Variants in TSHZ2 observed in about 807,000 individuals in gnomAD.
The protein encoded by TSHZ2 is teashirt homolog 2.
A neutral mutation model predicts 74.4 loss-of-function variants in TSHZ2; 21 were observed. That is an observed-to-expected ratio of 0.28 (90% confidence interval 0.20 to 0.41). The LOEUF (loss-of-function observed/expected upper bound fraction) is 0.41, where lower values mean the gene tolerates loss of function less well. Ranked by LOEUF, TSHZ2 falls within the 10% of genes least tolerant of loss-of-function variation. TSHZ2 has a pLI of 1.00. For missense variants in TSHZ2, 1,244 were observed against 1,293.5 expected, an observed-to-expected ratio of 0.96 and a Z score of 0.59; for synonymous variants, 540 against 515.3, an observed-to-expected ratio of 1.05 and a Z score of -0.65.
intron 1 of TSHZ2, among the ~76,000 whole-genome samples, chr20:53,181,784 A>C (rs1252568395): frequency 6.6e-6 from 1 of 152,152 alleles, no homozygotes; most frequent in Non-Finnish European, 1.5e-5. Flanking sequence ...GCTGCTGGGG[A>C]GGCTGAGGCA....
In TSHZ2 at chr20:53,431,018, A is replaced by G. The variant is rs1346951103; in HGVS notation, c.*9-56126A>G. On this transcript the variant is annotated intron_variant, in intron 2 of 2. Transcript: ENST00000371497. ...TGCCTCAGCTTCCCAAAGTGCTGGG[A>G]TTACAGGCATGAGCCACTGTGCCAG... Among the ~76,000 whole-genome samples, 3 of 149,836 alleles carry G rather than the reference A, an allele frequency of 2.0e-5. No homozygotes were observed. In the East Asian group the frequency reaches 6.3e-4, roughly 32 times the overall value.
At chr20:53,332,725 C>T (rs1271114829) in intron 2 of TSHZ2, among the ~76,000 whole-genome samples, 2 of 152,136 alleles carry the variant, frequency 1.3e-5, no homozygotes, top group African/African-American at 4.8e-5. Context: ...CAACTTTTTC[C>T]TTTTCTTGTG....
chr20:53,373,054 T>C (rs1191225550), intron 2 of TSHZ2, among the ~76,000 whole-genome samples: 1 of 152,222 alleles, frequency 6.6e-6, no homozygotes, highest in Non-Finnish European at 1.5e-5. Context: ...TTGCTTTGCA[T>C]GACAAAATAC....
intron 1 of TSHZ2, among the ~76,000 whole-genome samples, chr20:53,106,391 C>CTTT (rs71194458): frequency 0.036 from 2,128 of 58,946 alleles, 595 homozygotes; most frequent in South Asian, 0.09. Flanking sequence ...CTCACACTTT[C>CTTT]TTTTTTTTTT....
intron 1 of TSHZ2, among the ~76,000 whole-genome samples, chr20:53,003,255 G>GGT (rs11468763): frequency 0.22 from 30,688 of 139,336 alleles, 3,639 homozygotes; most frequent in Admixed American, 0.3. Flanking sequence ...CTCCAGGGAT[G>GGT]GTGTGTGTGT....
At chr20:53,086,425 C>G (rs1438550379) in intron 1 of TSHZ2, among the ~76,000 whole-genome samples, 2 of 151,894 alleles carry the variant, frequency 1.3e-5, no homozygotes, top group Non-Finnish European at 2.9e-5. Flanking sequence ...TACTTTCAGT[C>G]CATTTGTCTC....
At chr20:53,141,103 G>A (rs73270617) in intron 1 of TSHZ2, among the ~76,000 whole-genome samples, 4,298 of 152,286 alleles carry the variant, frequency 0.028, 232 homozygotes, top group African/African-American at 0.098. Context: ...CCACCAAGGA[G>A]GTTCTGGGAA....
At chr20:53,090,279 A>G (rs1323448524) in intron 1 of TSHZ2, among the ~76,000 whole-genome samples, 1 of 152,116 alleles carries the variant, frequency 6.6e-6, no homozygotes, top group Non-Finnish European at 1.5e-5. Context: ...CCTCTCCCAC[A>G]CCACTGACTC....
At chr20:53,436,539 A>ATTTTTTTTTTTTTTTT (rs1368192791) in intron 2 of TSHZ2, among the ~76,000 whole-genome samples, 2 of 90,036 alleles carry the variant, frequency 2.2e-5, no homozygotes, top group Non-Finnish European at 4.1e-5. Context: ...TATTATTATT[A>ATTTTTTTTTTTTTTTT]TTATTATTAT....
intron 1 of TSHZ2, among the ~76,000 whole-genome samples, chr20:53,192,439 G>C (rs1166648192): frequency 6.6e-6 from 1 of 152,030 alleles, no homozygotes; most frequent in Non-Finnish European, 1.5e-5. Flanking sequence ...TAAATGTAGA[G>C]TAAAAAAGAA....
chr20:53,285,721 G>A (rs200711463), intron 2 of TSHZ2, among the ~76,000 whole-genome samples: 1 of 147,922 alleles, frequency 6.8e-6, no homozygotes. Flanking sequence ...CATCTCAAGA[G>A]AAAAAAAAAA....
chr20:53,274,139 G>C (rs192558469), intron 2 of TSHZ2, among the ~76,000 whole-genome samples: 1 of 152,102 alleles, frequency 6.6e-6, no homozygotes, highest in Non-Finnish European at 1.5e-5. Context: ...GTGTGGTGGC[G>C]CGTGCCTGTA....
chr20:53,110,453 G>A (rs540787442), intron 1 of TSHZ2, among the ~76,000 whole-genome samples: 1 of 152,074 alleles, frequency 6.6e-6, no homozygotes, highest in South Asian at 2.1e-4. Context: ...CTGAGAGAGT[G>A]TTCAGATCTG....
chr20:53,340,177 C>CTTTTTTTTTTTTTTTTTTTT (rs74177489), intron 2 of TSHZ2, among the ~76,000 whole-genome samples: 5 of 94,078 alleles, frequency 5.3e-5, no homozygotes, highest in South Asian at 4.0e-4. Context: ...ACTTTTCTTT[C>CTTTTTTTTTTTTTTTTTTTT]TTTTTTCTTT....
At chr20:53,090,451 A>T (rs1322308694) in intron 1 of TSHZ2, among the ~76,000 whole-genome samples, 1 of 152,228 alleles carries the variant, frequency 6.6e-6, no homozygotes, top group East Asian at 1.9e-4. Context: ...CAGGGCATGA[A>T]GCCATGGGGG....
intron 1 of TSHZ2, among the ~76,000 whole-genome samples, chr20:53,222,845 C>A (rs1326913329): frequency 6.6e-6 from 1 of 152,170 alleles, no homozygotes; most frequent in Non-Finnish European, 1.5e-5. Flanking sequence ...TTCAGATTGT[C>A]TTTGCATTGA....
At chr20:53,106,728 C>T (rs1287265699) in intron 1 of TSHZ2, among the ~76,000 whole-genome samples, 3 of 128,432 alleles carry the variant, frequency 2.3e-5, no homozygotes, top group Non-Finnish European at 3.3e-5. Context: ...GACACAGAGT[C>T]CCTCTGTGGC....
chr20:53,139,411 G>A (rs1391799362), intron 1 of TSHZ2, among the ~76,000 whole-genome samples: 1 of 152,148 alleles, frequency 6.6e-6, no homozygotes, highest in African/African-American at 2.4e-5. Flanking sequence ...AGGTGAGGTG[G>A]GAAACCTCCC....
chr20:53,339,860 A>G (rs1406351807), intron 2 of TSHZ2, among the ~76,000 whole-genome samples: 1 of 152,096 alleles, frequency 6.6e-6, no homozygotes, highest in Non-Finnish European at 1.5e-5. Flanking sequence ...TAGGATTTGT[A>G]TCATCTCCCC....
Sources: allele counts gnomAD v4.1 joint callset (sites outside exome capture counted in the v4.1 genomes callset), GRCh38; gene constraint gnomAD v4.1.1; transcripts MANE v1.5; gene names NCBI Gene and HGNC (gene_info 2026-07-23, HGNC 2026-07-21).